The following NCKAP5 variants were observed in gnomAD, a reference collection of about 807,000 sequenced individuals.
The protein encoded by NCKAP5 is NCK associated protein 5.
A neutral mutation model predicts 167.0 loss-of-function variants in NCKAP5; 92 were observed. The observed-to-expected ratio is 0.55, with a 90% confidence interval of 0.47 to 0.66. The LOEUF (loss-of-function observed/expected upper bound fraction) is 0.66, where lower values mean the gene tolerates loss of function less well. Among genes scored for constraint, NCKAP5 ranks in the 30% least tolerant of loss-of-function variants. NCKAP5 has a pLI of 0.00. For synonymous variants in NCKAP5, 891 were observed against 877.4 expected, an observed-to-expected ratio of 1.02 and a Z score of -0.27; for missense variants, 2,378 against 2,315.0, an observed-to-expected ratio of 1.03 and a Z score of -0.56.
At chr2:133,298,705 G>A (rs971611813) in intron 4 of NCKAP5, among the ~76,000 whole-genome samples, 1 of 151,734 alleles carries the variant, frequency 6.6e-6, no homozygotes, top group Non-Finnish European at 1.5e-5. Flanking sequence ...TTTTTCTTTT[G>A]GAAGATGGGA....
chr2:133,571,789 G>A (rs563931470), upstream of NCKAP5, among the ~76,000 whole-genome samples: 7 of 152,058 alleles, frequency 4.6e-5, no homozygotes, highest in African/African-American at 7.2e-5. Flanking sequence ...TACCTCCAGC[G>A]TCTGAGTCTG....
At chr2:133,028,099 C>T (rs548431390) in intron 6 of NCKAP5, among the ~76,000 whole-genome samples, 1 of 152,228 alleles carries the variant, frequency 6.6e-6, no homozygotes, top group South Asian at 2.1e-4. Context: ...GCAAATATTC[C>T]AAAATCTGAG....
At chr2:133,096,797 G>T (rs1484288083) in intron 6 of NCKAP5, among the ~76,000 whole-genome samples, 1 of 152,136 alleles carries the variant, frequency 6.6e-6, no homozygotes, top group South Asian at 2.1e-4. Flanking sequence ...AGTCGCTAAT[G>T]AATGAAGACA....
intron 7 of NCKAP5, among the ~76,000 whole-genome samples, chr2:132,965,500 A>G (rs2076632369): frequency 6.6e-6 from 1 of 152,202 alleles, no homozygotes; most frequent in South Asian, 2.1e-4. Flanking sequence ...TTTTAAAATT[A>G]TCTTCATTTT....
At chr2:132,756,534 C>T (rs1219680476) in intron 16 of NCKAP5, among the ~76,000 whole-genome samples, 1 of 152,116 alleles carries the variant, frequency 6.6e-6, no homozygotes, top group African/African-American at 2.4e-5. Context: ...CCATATTACC[C>T]TGTCTCTCCA....
intron 3 of NCKAP5, among the ~76,000 whole-genome samples, chr2:133,445,776 G>C (rs1559490573): frequency 6.6e-6 from 1 of 152,104 alleles, no homozygotes; most frequent in Non-Finnish European, 1.5e-5. Flanking sequence ...AGGCACAGAG[G>C]GGAAGGGAAG....
At chr2:132,718,102 A>G (rs1449972865) in intron 19 of NCKAP5, among the ~76,000 whole-genome samples, 1 of 152,224 alleles carries the variant, frequency 6.6e-6, no homozygotes, top group South Asian at 2.1e-4. Context: ...GACTTGTTTC[A>G]GTCTGTATGT....
the NCKAP5 span, among the ~76,000 whole-genome samples, chr2:133,652,465 C>G: frequency 6.6e-6 from 1 of 152,200 alleles, no homozygotes; most frequent in East Asian, 1.9e-4. Flanking sequence ...AAATGGAAAG[C>G]AGCAACGTAT....
the NCKAP5 span, among the ~76,000 whole-genome samples, chr2:133,587,188 A>T: frequency 6.6e-6 from 1 of 152,174 alleles, no homozygotes; most frequent in Non-Finnish European, 1.5e-5. Context: ...ATGAGTAAGC[A>T]TGAGAGGCCG....
intron 16 of NCKAP5, among the ~76,000 whole-genome samples, chr2:132,768,984 G>A (rs143565926): frequency 0.018 from 2,319 of 130,994 alleles, 75 homozygotes; most frequent in African/African-American, 0.063. Flanking sequence ...TTGCTCTGTC[G>A]CCTGGGCTGG....
chr2:133,582,560 T>C, the NCKAP5 span, among the ~76,000 whole-genome samples: 1 of 152,198 alleles, frequency 6.6e-6, no homozygotes, highest in Non-Finnish European at 1.5e-5. Flanking sequence ...TGCACGGTAG[T>C]AATCAGTGCT....
chr2:132,972,815 A>G (rs986753239), intron 7 of NCKAP5, among the ~76,000 whole-genome samples: 6 of 151,300 alleles, frequency 4.0e-5, no homozygotes, highest in African/African-American at 1.5e-4. Context: ...GTGAGCCAAT[A>G]TTACACCACT....
chr2:133,646,103 T>C, the NCKAP5 span, among the ~76,000 whole-genome samples: 3 of 151,968 alleles, frequency 2.0e-5, no homozygotes, highest in African/African-American at 4.8e-5. Flanking sequence ...TATAGGTATA[T>C]AGGCATCTAT....
At chr2:133,636,585 T>C in the NCKAP5 span, among the ~76,000 whole-genome samples, 1 of 152,198 alleles carries the variant, frequency 6.6e-6, no homozygotes, top group Non-Finnish European at 1.5e-5. Flanking sequence ...TCCAACATTA[T>C]AACTGATAAA....
At chr2:133,015,004 A>T (rs1462558652) in intron 6 of NCKAP5, among the ~76,000 whole-genome samples, 4 of 152,200 alleles carry the variant, frequency 2.6e-5, no homozygotes, top group African/African-American at 9.7e-5. Flanking sequence ...GATGCGTAGT[A>T]TTTGTTTTCA....
chr2:133,128,016 A>G (rs1342194036), intron 6 of NCKAP5, among the ~76,000 whole-genome samples: 1 of 152,176 alleles, frequency 6.6e-6, no homozygotes, highest in Non-Finnish European at 1.5e-5. Context: ...CTGTTCCTCC[A>G]TGAACTCCTA....
intron 3 of NCKAP5, among the ~76,000 whole-genome samples, chr2:133,450,487 A>G (rs1691485417): frequency 6.6e-6 from 1 of 152,206 alleles, no homozygotes; most frequent in South Asian, 2.1e-4. Flanking sequence ...ACTATTGACT[A>G]TTCGGATGCA....
At chr2:132,983,150 T>C (rs1401589420) in intron 7 of NCKAP5, among the ~76,000 whole-genome samples, 1 of 152,194 alleles carries the variant, frequency 6.6e-6, no homozygotes, top group African/African-American at 2.4e-5. Context: ...TTTTTGTACA[T>C]TGATTTCATA....
chr2:133,062,799 T>A (rs1258346925), intron 6 of NCKAP5, among the ~76,000 whole-genome samples: 1 of 152,230 alleles, frequency 6.6e-6, no homozygotes, highest in African/African-American at 2.4e-5. Flanking sequence ...GGTGAATCGA[T>A]CTTTATAATT....
Sources: allele counts gnomAD v4.1 joint callset (sites outside exome capture counted in the v4.1 genomes callset), GRCh38; gene constraint gnomAD v4.1.1; transcripts MANE v1.5; gene names NCBI Gene and HGNC (gene_info 2026-07-23, HGNC 2026-07-21).